WDR77: variants seen among roughly 807,000 people sequenced by gnomAD.
WDR77 encodes WD repeat domain 77, also known as methylosome protein WDR77.
In WDR77, 31 loss-of-function variants were observed where a neutral mutation model predicts 44.0. The observed-to-expected ratio is 0.70, with a 90% confidence interval of 0.53 to 0.95. The LOEUF is 0.95. Ranked by LOEUF, WDR77 falls within the 40% of genes least tolerant of loss-of-function variation. The pLI, the probability that WDR77 is intolerant of heterozygous loss-of-function variation, is 0.00. For missense variants in WDR77, 390 were observed against 423.9 expected (o/e 0.92, Z 0.70); for synonymous variants, 186 against 165.7 (o/e 1.12, Z -0.94).
rs1406771537 is a variant in WDR77, at chr1:111,443,407, G to C, written c.620-13C>G. The C allele has an allele frequency of 6.4e-7, 1 of 1,551,890 alleles. No individual in the cohort carries two copies. On this transcript the variant is annotated splice_polypyrimidine_tract_variant and intron_variant, in intron 6 of 9. Coordinates refer to ENST00000235090, the MANE Select transcript of WDR77 (RefSeq NM_024102.4). ...GGCGCACTGCAGCCTGCAAAGGAGA[G>C]ACGAGGGTCTGGACCAAAACTCAGA...
In WDR77 at chr1:111,442,661, G is replaced by T; in HGVS notation, c.792C>A (p.Ser264=). Residue 264 remains serine (S), a synonymous_variant, in exon 8 of 10, where the codon TCC becomes TCA. Transcript: ENST00000235090. ...ATGACAAAGAACAGTACCTGTGTGG[G>T]GAGAACACCAGCCCAGTGACACACT... ...HSQCVTGLVF[S]PHSVPFLASL... 1 of 1,573,544 alleles carries T rather than the reference G, an allele frequency of 6.4e-7. No individual in the cohort carries two copies. The highest frequency in any genetic ancestry group is 8.7e-7 in the Non-Finnish European group (1 of 1,154,566).
In WDR77 at chr1:111,440,231, T is replaced by C. The variant is rs983800883; in HGVS notation, c.*999A>G. 7.9e-5 allele frequency: 12 copies of C among 152,186 alleles called. No homozygotes were observed. The highest frequency in any genetic ancestry group is 7.9e-4 in the Admixed American group (12 of 15,286). 9.4% of individuals were successfully genotyped at this position (152,186 alleles called of 1,614,324 possible). A position where few individuals can be genotyped will look rare whatever the true frequency, so the allele number is the denominator to read the frequency against. ...CATGATGACTCACATAAGTGAAATA[T>C]ATCTAACTACACATAACACACATGC... On this transcript the variant is annotated 3_prime_UTR_variant, in exon 10 of 10. Transcript: ENST00000235090.
intron 4 of WDR77, among the ~76,000 whole-genome samples, chr1:111,445,063 A>T (rs540662921): frequency 1.3e-5 from 2 of 152,362 alleles, no homozygotes; most frequent in Non-Finnish European, 2.9e-5. Flanking sequence ...ATAAGCACAC[A>T]ATAAATTATA....
chr1:111,448,634 C>A lies in WDR77; in HGVS notation c.286G>T (p.Val96Leu). ...AGTGACTCACCTGAATCGGAGGCCA[C>A]TAGAATACCTCTCTCCCCAACCCAA... is the stretch of plus-strand genomic sequence containing the variant. ...LTWVGERGILVASDSGAVELW... is the reference protein window; with the variant it reads ...LTWVGERGILLASDSGAVELW... The change falls in exon 2 of 10, where the codon GTG (valine) becomes TTG (leucine). Residue 96 changes from valine (V) to leucine (L), a missense_variant. By Grantham distance (32) the Val-to-Leu change is conservative. Coordinates refer to ENST00000235090, the MANE Select transcript of WDR77 (RefSeq NM_024102.4). 6.2e-7 allele frequency: 1 copy of A among 1,614,178 alleles called. No homozygotes were observed. The highest frequency in any genetic ancestry group is 8.5e-7 in the Non-Finnish European group (1 of 1,180,044).
Position 111,442,744 on chromosome 1 carries a change from C to T in WDR77, c.709G>A (p.Val237Ile), listed in dbSNP as rs145078783. Residue 237 changes from valine to isoleucine, a missense_variant, in exon 8 of 10, where the codon GTC becomes ATC. Physicochemically the swap from Val to Ile is conservative, Grantham distance 29 (BLOSUM62 3). Transcript: ENST00000235090. ...GTACTCTTGGTGTCCACAAGGGAGACTGTCCCATTCTCATCACCTGTAGAA... is the reference window on the plus strand; with the variant it reads ...GTACTCTTGGTGTCCACAAGGGAGATTGTCCCATTCTCATCACCTGTAGAA... ...VFVFGDENGTVSLVDTKSTSC... is the reference protein window; with the variant it reads ...VFVFGDENGTISLVDTKSTSC... 46 of 1,588,526 alleles carry T rather than the reference C, an allele frequency of 2.9e-5. No individual in the cohort carries two copies. The African/African-American group carries it at 4.6e-4, about 16-fold the overall frequency.
chr1:111,444,723 A>G (rs571772936), intron 4 of WDR77, among the ~76,000 whole-genome samples: 4 of 152,344 alleles, frequency 2.6e-5, no homozygotes, highest in African/African-American at 9.6e-5. Context: ...GAGCAAAAAG[A>G]AAGAGCATCT....
At chr1:111,445,740 T>C (rs1226715286) in intron 4 of WDR77, among the ~76,000 whole-genome samples, 1 of 151,260 alleles carries the variant, frequency 6.6e-6, no homozygotes, top group Non-Finnish European at 1.5e-5. Context: ...GTCTAAGAAA[T>C]AAAAAGCAAA....
chr1:111,447,701 A>C, intron 2 of WDR77, 125 bp from the exon 3 acceptor site: 1 of 1,132,412 alleles, frequency 8.8e-7, no homozygotes, highest in Non-Finnish European at 1.3e-6. Context: ...GTAAAAGCAA[A>C]GTCCACATCA....
At chr1:111,445,003 T>C (rs1277289847) in intron 4 of WDR77, among the ~76,000 whole-genome samples, 1 of 152,258 alleles carries the variant, frequency 6.6e-6, no homozygotes, top group Admixed American at 6.5e-5. Flanking sequence ...TCATGCAAAC[T>C]AAGTAGCGTT....
At chr1:111,442,248 G>C (rs994627566) in intron 8 of WDR77, 155 bp from the exon 9 acceptor site, 21 of 678,214 alleles carry the variant, frequency 3.1e-5, no homozygotes, top group Non-Finnish European at 4.9e-5. Context: ...CACACTAAAA[G>C]TTTCAAGTAA....
At chr1:111,446,901 A>G in intron 4 of WDR77, 194 bp downstream of exon 4, 2 of 603,570 alleles carry the variant, frequency 3.3e-6, no homozygotes, top group Non-Finnish European at 3.0e-6. Flanking sequence ...GCACTTGACT[A>G]GTCGAATTAA....
intron 2 of WDR77, among the ~76,000 whole-genome samples, chr1:111,448,185 TA>T (rs201789890): frequency 7.9e-4 from 116 of 147,142 alleles, no homozygotes; most frequent in Admixed American, 1.4e-3. Flanking sequence ...ATTCTGATTT[TA>T]AAAAAAAAAA....
At chr1:111,444,503 G>C (rs550483356) in intron 4 of WDR77, among the ~76,000 whole-genome samples, 1 of 152,098 alleles carries the variant, frequency 6.6e-6, no homozygotes, top group African/African-American at 2.4e-5. Context: ...GGGAGTTCTG[G>C]GCGCTAATAG....
At chr1:111,447,617 A>G (rs768901909) in intron 2 of WDR77, 41 bp from the exon 3 acceptor site, 1 of 1,609,280 alleles carries the variant, frequency 6.2e-7, no homozygotes, top group Non-Finnish European at 8.5e-7. Flanking sequence ...CTTGGATTAT[A>G]CCAAGGCAGT....
At chr1:111,443,581 G>C (rs749770258) in intron 6 of WDR77, 187 bp from the exon 7 acceptor site, 26 of 917,084 alleles carry the variant, frequency 2.8e-5, no homozygotes, top group Non-Finnish European at 3.3e-5. Flanking sequence ...TTCTGGACAC[G>C]AGTCACAGGC....
At position 111,443,333 on chromosome 1, in the gene WDR77, G is replaced by A; in HGVS notation, c.681C>T (p.Val227=). ...GACACGCTGCCTTACCAAAGACAAA[G>A]ACTTCACTTTGCTGAGGATGCCAAG... The part of the protein sequence containing the change: ...SLAWHPQQSE[V]FVFGDENGTV... Residue 227 remains valine, a synonymous_variant, in exon 7 of 10, where the codon GTC becomes GTT. Transcript: ENST00000235090. 3 of 1,551,778 alleles carry A rather than the reference G, an allele frequency of 1.9e-6. No individual in the cohort carries two copies. The highest frequency in any genetic ancestry group is 2.6e-6 in the Non-Finnish European group (3 of 1,147,050).
intron 2 of WDR77, 117 bp downstream of exon 2, chr1:111,448,502 G>T: frequency 8.2e-7 from 1 of 1,218,568 alleles, no homozygotes; most frequent in Admixed American, 2.1e-5. Context: ...ACACTCTCAG[G>T]CTCCTCCAAG....
In WDR77 at chr1:111,442,111, G is replaced by A; in HGVS notation, c.801-18C>T. On this transcript the variant is annotated intron_variant, in intron 8 of 9. Transcript: ENST00000235090. The stretch of plus-strand genomic sequence containing the variant: ...AGGGAACACTATCAGATGGAGGAGA[G>A]GGTTGTGAAAGGTCCAGCCTGGATC... 1 of 1,613,224 alleles carries A rather than the reference G, an allele frequency of 6.2e-7. No homozygotes were observed.
intron 7 of WDR77, 92 bp from the exon 8 acceptor site, chr1:111,442,853 A>G: frequency 3.6e-6 from 3 of 835,994 alleles, no homozygotes; most frequent in Non-Finnish European, 5.2e-6. Flanking sequence ...TGTAAAAGTT[A>G]ACCATTCTGA....
Sources: gnomAD v4.1 joint callset for allele counts (sites outside exome capture counted in the v4.1 genomes callset) on GRCh38, gnomAD v4.1.1 for gene constraint, MANE v1.5 for transcripts, NCBI Gene and HGNC (gene_info 2026-07-23, HGNC 2026-07-21) for gene names.